USP18: variants seen among roughly 807,000 people sequenced by gnomAD.
USP18 encodes ubl carboxyl-terminal hydrolase 18.
A neutral mutation model predicts 48.7 loss-of-function variants in USP18; 11 were observed. The ratio of observed to expected loss-of-function variants is 0.23; its 90% CI spans 0.14 to 0.37. The LOEUF (loss-of-function observed/expected upper bound fraction) is 0.37. USP18 is among the 10% of genes least tolerant of loss of function. The pLI is 1.00. For synonymous variants in USP18, 114 were observed against 163.2 expected (o/e 0.70, Z 2.30); for missense variants, 285 against 436.4 (o/e 0.65, Z 3.09).
At position 18,151,139 on chromosome 22, in the gene USP18, T is replaced by C. The variant is rs1237346203; in HGVS notation, c.-107+917T>C. ...GAATGGCTGGGTCAGTGGGCATTCA[T>C]ATTGAGAAATTGGAAGGATGTTGTC... On this transcript the variant is annotated intron_variant, in intron 1 of 10. Transcript: ENST00000215794. 2.0e-5 allele frequency among the ~76,000 whole-genome samples: 3 copies of C among 152,308 alleles called. No homozygotes were observed. The East Asian group carries it at 5.8e-4, about 29-fold the overall frequency.
chr22:18,153,742 C>T (rs796436458), intron 1 of USP18, among the ~76,000 whole-genome samples: 5 of 152,280 alleles, frequency 3.3e-5, no homozygotes, highest in African/African-American at 1.2e-4. Flanking sequence ...ACTGCCATGC[C>T]TGGCTTTCTA....
chr22:18,170,687 C>G, intron 7 of USP18, 66 bp from the exon 8 acceptor site: 1 of 1,587,076 alleles, frequency 6.3e-7, no homozygotes, highest in Non-Finnish European at 8.6e-7. Flanking sequence ...CGTTGCTAGC[C>G]CTGACATTTC....
intron 3 of USP18, among the ~76,000 whole-genome samples, chr22:18,160,767 C>CT (rs951642767): frequency 0.022 from 2,473 of 114,448 alleles, 116 homozygotes; most frequent in African/African-American, 0.065. Flanking sequence ...AGTATTGGTA[C>CT]TTTTTTTTTT....
rs576335777 is a variant in USP18, at chr22:18,156,959, G to A, written c.-106-599G>A. Among the ~76,000 whole-genome samples the A allele has an allele frequency of 4.8e-3, 668 of 139,442 alleles. 3 individuals carry two copies. The highest frequency in any genetic ancestry group is 0.017 in the African/African-American group (617 of 36,196). 91.5% of individuals were successfully genotyped at this position (139,442 alleles called of 152,430 possible). ...TTCACACAGCTGTGCTGGGTTGGGG[G>A]AGGGTACACGGGTACCCCTATGGCC... On this transcript the variant is annotated intron_variant, in intron 1 of 10. Transcript: ENST00000215794.
At chr22:18,163,195 T>C (rs1945527517) in intron 4 of USP18, among the ~76,000 whole-genome samples, 1 of 152,088 alleles carries the variant, frequency 6.6e-6, no homozygotes, top group African/African-American at 2.4e-5. Context: ...ATCTTCATGA[T>C]CATTATTCTG....
chr22:18,157,818 A>T lies in USP18; in HGVS notation c.155A>T (p.His52Leu), dbSNP rs906564189. Residue 52 changes from histidine (H) to leucine (L), a missense_variant and splice_region_variant, in exon 2 of 11, where the codon CAT (histidine) becomes CTT (leucine). His to Leu is a moderately conservative substitution (Grantham distance 99, BLOSUM62 -3). Transcript: ENST00000215794. ...RERPRAWDYPHGLVGLHNIGQ... is the reference protein window; with the variant it reads ...RERPRAWDYPLGLVGLHNIGQ... ...CGTCCCAGGGCCTGGGACTACCCTC[A>T]TGGTCATTAGACCCCTCCCGTTTTC... 4.3e-6 allele frequency: 7 copies of T among 1,613,914 alleles called. No homozygotes were observed. The highest frequency in any genetic ancestry group is 1.1e-5 in the South Asian group (1 of 91,080).
intron 4 of USP18, among the ~76,000 whole-genome samples, chr22:18,164,864 C>T (rs528444835): frequency 1.4e-3 from 207 of 152,028 alleles, no homozygotes; most frequent in African/African-American, 4.7e-3. Flanking sequence ...ATGTGTGGTC[C>T]AAACCCTCCC....
At position 18,173,823 on chromosome 22, in the gene USP18, G is replaced by A. The variant is rs747893753; in HGVS notation, c.1054G>A (p.Gly352Arg). 1.1e-5 allele frequency: 17 copies of A among 1,604,340 alleles called. No homozygotes were observed. Among genetic ancestry groups the A allele is most frequent in the African/African-American group, 8.0e-5 (6 of 74,608 alleles). The part of the protein sequence containing the change: ...VSWEDIQCTY[G>R]NPNYHWQETA... ...CTGGGAAGACATCCAGTGTACCTAC[G>A]GAAATCCTAACTACCACTGGTAAGA... Residue 352 changes from glycine to arginine, a missense_variant, in exon 10 of 11, where the codon GGA (glycine) becomes AGA (arginine). Transcript: ENST00000215794.
At chr22:18,173,089 A>G in intron 8 of USP18, 61 bp from the exon 9 acceptor site, 1 of 1,605,516 alleles carries the variant, frequency 6.2e-7, no homozygotes, top group Admixed American at 1.7e-5. Context: ...GCAGGTATAA[A>G]TGTGTGAGGC....
chr22:18,167,719 A>G lies in USP18; in HGVS notation c.481-171A>G, dbSNP rs7284600. ...TCTCAAAAAAAAAAAAAAAAAAAAG[A>G]AAAAAGAGTTAATCCACATAAAACA... On this transcript the variant is annotated intron_variant, in intron 5 of 10. Transcript: ENST00000215794. 4.7e-5 allele frequency among the ~76,000 whole-genome samples: 7 copies of G among 149,902 alleles called. No individual in the cohort carries two copies. The South Asian group carries it at 1.1e-3, about 23-fold the overall frequency.
chr22:18,167,590 C>T (rs531442493), intron 5 of USP18, among the ~76,000 whole-genome samples: 20 of 150,136 alleles, frequency 1.3e-4, no homozygotes, highest in African/African-American at 2.2e-4. Flanking sequence ...CCCAGCTACT[C>T]GGGAGGCTGA....
rs1283488390 is a variant in USP18 at position 18,157,873 on chromosome 22, TCACCC to T, written c.157+55_157+59del. 3.1e-6 allele frequency: 5 copies of T among 1,607,642 alleles called. No individual in the cohort carries two copies. In the East Asian group the frequency reaches 1.1e-4, roughly 36 times the overall value. ...TCTTGACTGCATGTAAATGTTCGGC[TCACCC>T]CCTCCGCTCTGAAGCCGCAGAGCTT... On this transcript the variant is annotated intron_variant, in intron 2 of 10. Coordinates refer to ENST00000215794, the MANE Select transcript of USP18 (RefSeq NM_017414.4).
chr22:18,157,751 A>T lies in USP18; in HGVS notation c.88A>T (p.Lys30Ter). ...SQSPADLEEK[K>*]EEDSNMKREQ... ...GTCCCCGGCAGATCTTGAAGAAAAG[A>T]AGGAAGAAGACAGCAACATGAAGAG... The change falls in exon 2 of 11, where the codon AAG (lysine) becomes TAG (stop). Residue 30 changes from lysine to a stop codon, truncating the protein, a stop_gained. Transcript: ENST00000215794. LOFTEE classifies it high-confidence loss of function. The T allele has an allele frequency of 6.2e-7, 1 of 1,614,128 alleles. No individual in the cohort carries two copies. Among genetic ancestry groups the T allele is most frequent in the Non-Finnish European group, 8.5e-7 (1 of 1,180,022 alleles).
chr22:18,159,007 T>C (rs921271534), intron 2 of USP18, among the ~76,000 whole-genome samples: 1 of 152,220 alleles, frequency 6.6e-6, no homozygotes, highest in Non-Finnish European at 1.5e-5. Context: ...TTTGGTGACA[T>C]CTCACTTTTC....
Position 18,161,906 on chromosome 22 carries a change from C to T in USP18, c.371C>T (p.Ala124Val), listed in dbSNP as rs147164562. Residue 124 changes from alanine to valine, a missense_variant, in exon 4 of 11, where the codon GCC (alanine) becomes GTC (valine). Transcript: ENST00000215794. Reference protein sequence around the residue: ...RQKAVRPLELAYCLQKCNVPL... With the variant: ...RQKAVRPLELVYCLQKCNVPL... Reference sequence around the variant, plus strand: ...AAAGCAGTGCGGCCCCTGGAGCTGGCCTACTGCCTGCAGAAGTGCAACGTG... The same window carrying T: ...AAAGCAGTGCGGCCCCTGGAGCTGGTCTACTGCCTGCAGAAGTGCAACGTG... The T allele has an allele frequency of 9.9e-6, 16 of 1,613,726 alleles. No individual in the cohort carries two copies. Among genetic ancestry groups the T allele is most frequent in the Non-Finnish European group, 1.4e-5 (16 of 1,179,820 alleles).
intron 9 of USP18, among the ~76,000 whole-genome samples, chr22:18,173,557 G>C (rs1191366909): frequency 6.6e-6 from 1 of 152,174 alleles, no homozygotes; most frequent in African/African-American, 2.4e-5. Flanking sequence ...AGAGAGCAAC[G>C]AGTGTTAGAA....
At chr22:18,160,862 C>T (rs1355423457) in intron 3 of USP18, among the ~76,000 whole-genome samples, 5 of 151,110 alleles carry the variant, frequency 3.3e-5, no homozygotes, top group East Asian at 2.0e-4. Context: ...CTCCGCCTCC[C>T]GGGTTCAAGG....
chr22:18,165,712 C>A (rs991426854), intron 4 of USP18, among the ~76,000 whole-genome samples: 4 of 151,576 alleles, frequency 2.6e-5, no homozygotes, highest in Non-Finnish European at 5.9e-5. Flanking sequence ...CAAAGCATAC[C>A]CACCAGGGAA....
intron 1 of USP18, among the ~76,000 whole-genome samples, chr22:18,154,997 G>C (rs1486301632): frequency 3.3e-5 from 5 of 152,192 alleles, no homozygotes; most frequent in South Asian, 2.1e-4. Flanking sequence ...GCTGGGGGGT[G>C]CTCTAAGCCC....
Sources: allele counts gnomAD v4.1 joint callset (sites outside exome capture counted in the v4.1 genomes callset), GRCh38; gene constraint gnomAD v4.1.1; transcripts MANE v1.5; gene names NCBI Gene and HGNC (gene_info 2026-07-23, HGNC 2026-07-21).